DSE: variants seen among roughly 807,000 people sequenced by gnomAD.
DSE encodes the protein dermatan sulfate epimerase.
In DSE, 36 loss-of-function variants were observed where a neutral mutation model predicts 84.4. The ratio of observed to expected loss-of-function variants is 0.43; its 90% CI spans 0.33 to 0.56. The LOEUF is 0.56. DSE is among the 20% of genes least tolerant of loss of function. The pLI is 0.06. For missense variants in DSE, 862 were observed against 1,169.6 expected (o/e 0.74, Z 3.84); for synonymous variants, 410 against 430.1 (o/e 0.95, Z 0.58).
chr6:116,386,021 A>G (rs893816302), intron 1 of DSE, among the ~76,000 whole-genome samples: 3 of 152,222 alleles, frequency 2.0e-5, no homozygotes, highest in African/African-American at 7.2e-5. Context: ...TTACTTTCCA[A>G]TGAACTTCCT....
rs796844010 is a variant in DSE at position 116,401,763 on chromosome 6, A to G, written c.416+2097A>G. Among the ~76,000 whole-genome samples, 20 of 152,298 alleles carry G rather than the reference A, an allele frequency of 1.3e-4. 1 individual carries two copies. Among genetic ancestry groups the G allele is most frequent in the African/African-American group, 4.8e-4 (20 of 41,574 alleles). The stretch of plus-strand genomic sequence containing the variant: ...TTACAGTTCAACTACCTCTGTTTCA[A>G]TTGCTCCATTAAATCATATTCTCAC... On this transcript the variant is annotated intron_variant, in intron 2 of 5. Coordinates refer to ENST00000644252, the MANE Select transcript of DSE (RefSeq NM_013352.4).
intron 2 of DSE, among the ~76,000 whole-genome samples, chr6:116,305,506 C>A (rs1326259591): frequency 6.6e-6 from 1 of 152,004 alleles, no homozygotes; most frequent in Admixed American, 6.6e-5. Flanking sequence ...AGGTCCTATA[C>A]AAGAAAAACA....
At chr6:116,364,536 T>C (rs954645026) in intron 2 of DSE, among the ~76,000 whole-genome samples, 2 of 152,242 alleles carry the variant, frequency 1.3e-5, no homozygotes, top group Admixed American at 1.3e-4. Context: ...GGCTGTTAAA[T>C]GTTTTACTGG....
chr6:116,278,686 G>C (rs768052382), intron 2 of DSE: 1 of 1,614,172 alleles, frequency 6.2e-7, no homozygotes, highest in Non-Finnish European at 8.5e-7. Context: ...GCTGTGGTCT[G>C]AAAACCAAGT....
At chr6:116,418,594 G>T (rs936974491) in intron 2 of DSE, among the ~76,000 whole-genome samples, 1 of 152,118 alleles carries the variant, frequency 6.6e-6, no homozygotes, top group African/African-American at 2.4e-5. Flanking sequence ...CCTTTTCTCA[G>T]ATCTCATGCC....
At chr6:116,317,820 T>A (rs777964869) in intron 2 of DSE, among the ~76,000 whole-genome samples, 10 of 152,208 alleles carry the variant, frequency 6.6e-5, no homozygotes, top group Non-Finnish European at 8.8e-5. Flanking sequence ...TCAGAACAAG[T>A]CCTTTTTTAT....
chr6:116,364,743 ATAAT>A (rs1351435456), intron 2 of DSE, among the ~76,000 whole-genome samples: 1 of 152,192 alleles, frequency 6.6e-6, no homozygotes, highest in African/African-American at 2.4e-5. Context: ...AATATTTTAT[ATAAT>A]TAATAAACCA....
At chr6:116,312,026 A>AGAGT (rs1231086686) in intron 2 of DSE, among the ~76,000 whole-genome samples, 7 of 152,180 alleles carry the variant, frequency 4.6e-5, no homozygotes, top group African/African-American at 1.7e-4. Context: ...TTTGTATAAG[A>AGAGT]GAGTAGAAGT....
intron 5 of DSE, among the ~76,000 whole-genome samples, chr6:116,433,759 C>CT (rs1338746810): frequency 2.0e-5 from 3 of 152,022 alleles, no homozygotes; most frequent in Non-Finnish European, 1.5e-5. Flanking sequence ...AAAATTTCAA[C>CT]TTTTAGATAC....
chr6:116,256,289 C>T (rs1772139642), intron 1 of DSE: 1 of 152,184 alleles, frequency 6.6e-6, no homozygotes, highest in Non-Finnish European at 1.5e-5. Flanking sequence ...TCATACAGTA[C>T]ATCTATCAAA....
In DSE at chr6:116,332,374, T is replaced by TTGTGTGTG. The variant is rs67724248; in HGVS notation, c.-53-66812_-53-66805dup. Among the ~76,000 whole-genome samples, 646 of 150,366 alleles carry TTGTGTGTG rather than the reference T, an allele frequency of 4.3e-3. 8 individuals are homozygous for TTGTGTGTG. The highest frequency in any genetic ancestry group is 2.4e-3 in the Non-Finnish European group (160 of 67,426). ...AATTCAAATCAAAATCCCAGTTGGTTTGTGTGTGTGTGTGTGTGTAAGAGA... is the reference window on the plus strand; with the variant it reads ...AATTCAAATCAAAATCCCAGTTGGTTTGTGTGTGTGTGTGTGTGTGTGTGTGTAAGAGA... On this transcript the variant is annotated intron_variant, in intron 2 of 3. Transcript: ENST00000430252.
At chr6:116,354,398 G>A (rs1317596900) in intron 2 of DSE, among the ~76,000 whole-genome samples, 1 of 152,186 alleles carries the variant, frequency 6.6e-6, no homozygotes, top group African/African-American at 2.4e-5. Context: ...AAGAAACAGA[G>A]TCACCCCCTC....
upstream of DSE, chr6:116,366,755 AATTGTTATGTGGTCTG>A (rs1201810745): frequency 2.0e-5 from 3 of 152,224 alleles, no homozygotes; most frequent in African/African-American, 7.2e-5. Flanking sequence ...CAGAAAACAT[AATTGTTATGTGGTCTG>A]AACCATTTAT....
intron 1 of DSE, among the ~76,000 whole-genome samples, chr6:116,395,432 A>C (rs538743): frequency 0.23 from 34,217 of 149,188 alleles, 4,057 homozygotes; most frequent in Admixed American, 0.29. Context: ...CTAAAAAATA[A>C]AGAAAGTGGG....
chr6:116,343,682 C>G (rs1216870806), intron 2 of DSE, among the ~76,000 whole-genome samples: 1 of 152,124 alleles, frequency 6.6e-6, no homozygotes. Flanking sequence ...TGGGGAGAAA[C>G]CAGAGCAGAA....
intron 1 of DSE, among the ~76,000 whole-genome samples, chr6:116,388,350 G>A (rs1780690411): frequency 6.6e-6 from 1 of 152,098 alleles, no homozygotes; most frequent in Non-Finnish European, 1.5e-5. Flanking sequence ...TTCTGTTTGG[G>A]CCCACCCACA....
At chr6:116,311,041 C>T (rs1200144407) in intron 2 of DSE, among the ~76,000 whole-genome samples, 1 of 152,210 alleles carries the variant, frequency 6.6e-6, no homozygotes, top group Non-Finnish European at 1.5e-5. Flanking sequence ...CTCAGCTCTT[C>T]ACACATGCTG....
chr6:116,330,166 C>G (rs1474245457), intron 2 of DSE, among the ~76,000 whole-genome samples: 1 of 152,132 alleles, frequency 6.6e-6, no homozygotes. Flanking sequence ...TAACTTTTTG[C>G]ATTTTCAGCT....
intron 2 of DSE, among the ~76,000 whole-genome samples, chr6:116,422,620 T>G (rs1016040070): frequency 1.3e-5 from 2 of 152,202 alleles, no homozygotes; most frequent in South Asian, 2.1e-4. Flanking sequence ...TTATAAAGAT[T>G]AATCACTTTT....
Sources: allele counts gnomAD v4.1 joint callset (sites outside exome capture counted in the v4.1 genomes callset), GRCh38; gene constraint gnomAD v4.1.1; transcripts MANE v1.5; gene names NCBI Gene and HGNC (gene_info 2026-07-23, HGNC 2026-07-21).